Variants in TRPM1 observed in about 807,000 individuals in gnomAD.
The protein encoded by TRPM1 is TRPM1-203 APA Isoform, Intron 10.
In TRPM1, 113 loss-of-function variants were observed where a neutral mutation model predicts 149.4. The ratio of observed to expected loss-of-function variants is 0.76; its 90% CI spans 0.65 to 0.88. The LOEUF is 0.88. Ranked by LOEUF, TRPM1 falls within the 40% of genes least tolerant of loss-of-function variation. TRPM1 has a pLI of 0.00. For missense variants in TRPM1, 1,976 were observed against 2,038.7 expected (o/e 0.97, Z 0.59); for synonymous variants, 741 against 759.5 (o/e 0.98, Z 0.40).
chr15:31,062,798 G>A, intron 8 of TRPM1, 96 bp from the exon 9 acceptor site: 2 of 1,393,756 alleles, frequency 1.4e-6, no homozygotes, highest in African/African-American at 1.4e-5. Flanking sequence ...AGACTTTGCT[G>A]TGGGAGGATA....
chr15:31,010,338 G>A (rs2140876204), intron 27 of TRPM1, among the ~76,000 whole-genome samples: 1 of 152,266 alleles, frequency 6.6e-6, no homozygotes, highest in Admixed American at 6.5e-5. Flanking sequence ...CTGGGACCTT[G>A]GTAGCAGTCT....
chr15:31,089,619 A>T (rs1193378523), intron 1 of TRPM1, among the ~76,000 whole-genome samples: 1 of 151,982 alleles, frequency 6.6e-6, no homozygotes, highest in Non-Finnish European at 1.5e-5. Flanking sequence ...GGCTCGGGAG[A>T]GTTTGTAATT....
intron 1 of TRPM1, among the ~76,000 whole-genome samples, chr15:31,149,762 G>A (rs6493491): frequency 0.43 from 64,798 of 151,246 alleles, 14,231 homozygotes; most frequent in Admixed American, 0.54. Flanking sequence ...CTTGTGATCC[G>A]CCCGCCTTGG....
At chr15:31,059,828 A>T (rs1302542987) in intron 11 of TRPM1, among the ~76,000 whole-genome samples, 1 of 152,208 alleles carries the variant, frequency 6.6e-6, no homozygotes, top group Non-Finnish European at 1.5e-5. Context: ...AAATGGATCA[A>T]AGAAGCTGCT....
intron 1 of TRPM1, among the ~76,000 whole-genome samples, chr15:31,089,312 G>GT (rs1165088244): frequency 6.7e-6 from 1 of 149,986 alleles, no homozygotes; most frequent in African/African-American, 2.4e-5. Flanking sequence ...ATATAGTTAT[G>GT]TTTTTTTGGT....
At chr15:31,089,319 TGG>T (rs1031599512) in intron 1 of TRPM1, among the ~76,000 whole-genome samples, 1 of 150,276 alleles carries the variant, frequency 6.7e-6, no homozygotes, top group South Asian at 2.1e-4. Flanking sequence ...TATGTTTTTT[TGG>T]TTGTTAACTT....
chr15:31,027,607 T>C (rs2032841722), intron 25 of TRPM1, among the ~76,000 whole-genome samples: 1 of 152,234 alleles, frequency 6.6e-6, no homozygotes, highest in South Asian at 2.1e-4. Context: ...AGTAAGTGCA[T>C]GATTTCATTG....
chr15:31,088,893 C>T (rs968692193), intron 1 of TRPM1, among the ~76,000 whole-genome samples: 2 of 151,906 alleles, frequency 1.3e-5, no homozygotes, highest in Admixed American at 6.6e-5. Context: ...AGCGGGAGAT[C>T]AGTGTTTGCC....
chr15:31,093,037 G>T (rs1212816642), intron 1 of TRPM1, among the ~76,000 whole-genome samples: 2 of 152,090 alleles, frequency 1.3e-5, no homozygotes, highest in Non-Finnish European at 2.9e-5. Flanking sequence ...GAGGCGGGTG[G>T]ATCACCTGAG....
Position 31,157,503 on chromosome 15 carries a change from T to G in TRPM1, c.54+3403A>C, listed in dbSNP as rs567438762. Among the ~76,000 whole-genome samples the G allele has an allele frequency of 7.2e-5, 11 of 152,326 alleles. No homozygotes were observed. In the South Asian group the frequency reaches 2.3e-3, roughly 32 times the overall value. ...TAATCGTATTTAGGATCTTGAACTTTGACTCTTGACTTTATGTGTCTTTTA... is the reference window on the plus strand; with the variant it reads ...TAATCGTATTTAGGATCTTGAACTTGGACTCTTGACTTTATGTGTCTTTTA... On this transcript the variant is annotated intron_variant, in intron 1 of 26. Coordinates refer to the TRPM1 transcript ENST00000542188.
intron 1 of TRPM1, among the ~76,000 whole-genome samples, chr15:31,081,798 C>A (rs1052496358): frequency 1.3e-5 from 2 of 152,168 alleles, no homozygotes; most frequent in Non-Finnish European, 2.9e-5. Context: ...ACCTGCTCAG[C>A]CCTTGCTAAT....
chr15:31,113,848 G>C (rs139402257), intron 1 of TRPM1, among the ~76,000 whole-genome samples: 6 of 152,154 alleles, frequency 3.9e-5, no homozygotes, highest in Non-Finnish European at 8.8e-5. Flanking sequence ...GCAAAACAAC[G>C]ACGCTCCCAC....
At chr15:31,050,118 C>T (rs1033706163) in intron 12 of TRPM1, among the ~76,000 whole-genome samples, 1 of 152,232 alleles carries the variant, frequency 6.6e-6, no homozygotes, top group Non-Finnish European at 1.5e-5. Flanking sequence ...ATGCATCAAG[C>T]ATTGGCATGT....
At chr15:31,069,323 A>G (rs1360279296) in intron 4 of TRPM1, 1 of 754,404 alleles carries the variant, frequency 1.3e-6, no homozygotes, top group Admixed American at 6.2e-5. Context: ...CTTGTCTCCT[A>G]TAAACTGCTT....
intron 1 of TRPM1, among the ~76,000 whole-genome samples, chr15:31,082,576 A>AT (rs1483035418): frequency 3.9e-5 from 6 of 152,254 alleles, no homozygotes; most frequent in African/African-American, 1.4e-4. Flanking sequence ...GGACCCAGCG[A>AT]TTTTTCATCT....
At chr15:31,137,247 A>G (rs774802638) in intron 1 of TRPM1, among the ~76,000 whole-genome samples, 1 of 152,134 alleles carries the variant, frequency 6.6e-6, no homozygotes, top group Non-Finnish European at 1.5e-5. Flanking sequence ...TCTCTTCTCA[A>G]TGGTGAGGTC....
intron 1 of TRPM1, among the ~76,000 whole-genome samples, chr15:31,100,536 T>C (rs1233891459): frequency 1.3e-5 from 2 of 152,044 alleles, no homozygotes; most frequent in Non-Finnish European, 1.5e-5. Flanking sequence ...AAGATATATT[T>C]TCTGGGAAAA....
intron 3 of TRPM1, among the ~76,000 whole-genome samples, chr15:31,073,214 G>A (rs997858361): frequency 1.3e-4 from 20 of 152,084 alleles, no homozygotes; most frequent in Non-Finnish European, 2.6e-4. Context: ...CTATTCTTTT[G>A]CATGTGGCTA....
chr15:31,123,225 A>G (rs1413330114), intron 1 of TRPM1, among the ~76,000 whole-genome samples: 3 of 152,270 alleles, frequency 2.0e-5, no homozygotes, highest in Non-Finnish European at 4.4e-5. Context: ...ATAAAATTAT[A>G]AAACATCTAG....
Sources: gnomAD v4.1 joint callset for allele counts (sites outside exome capture counted in the v4.1 genomes callset) on GRCh38, gnomAD v4.1.1 for gene constraint, MANE v1.5 for transcripts, NCBI Gene and HGNC (gene_info 2026-07-23, HGNC 2026-07-21) for gene names.